The following LOC128462377 variants were observed in gnomAD, a reference collection of about 807,000 sequenced individuals.
At chr16:89,391,572 G>A in the LOC128462377 span, among the ~76,000 whole-genome samples, 1 of 152,124 alleles carries the variant, frequency 6.6e-6, no homozygotes, top group African/African-American at 2.4e-5. Context: ...AAAAATCTGA[G>A]TTTTCCCCCT....
chr16:89,371,265 G>A, the LOC128462377 span, among the ~76,000 whole-genome samples: 48 of 152,298 alleles, frequency 3.2e-4, no homozygotes, highest in African/African-American at 1.1e-3. Flanking sequence ...CAGAGAGGCA[G>A]GTTCAGCATG....
the LOC128462377 span, among the ~76,000 whole-genome samples, chr16:89,379,342 G>A: frequency 8.5e-5 from 13 of 152,152 alleles, no homozygotes; most frequent in African/African-American, 3.1e-4. Flanking sequence ...ATTTTAAATG[G>A]CTCAAATCAA....
the LOC128462377 span, among the ~76,000 whole-genome samples, chr16:89,398,856 G>A: frequency 6.6e-6 from 1 of 152,164 alleles, no homozygotes; most frequent in Non-Finnish European, 1.5e-5. Context: ...TTCTGGCCCA[G>A]GAGTACAGAT....
At chr16:89,353,544 C>A in the LOC128462377 span, among the ~76,000 whole-genome samples, 1 of 151,912 alleles carries the variant, frequency 6.6e-6, no homozygotes, top group Non-Finnish European at 1.5e-5. Context: ...GTGGTGCAAT[C>A]TCGGCTCACT....
chr16:89,391,982 G>C, the LOC128462377 span, among the ~76,000 whole-genome samples: 8 of 152,188 alleles, frequency 5.3e-5, no homozygotes, highest in African/African-American at 1.9e-4. Context: ...CTTAGTTGAA[G>C]GTGTTTTTAC....
At chr16:89,375,244 C>T in the LOC128462377 span, among the ~76,000 whole-genome samples, 1 of 152,072 alleles carries the variant, frequency 6.6e-6, no homozygotes, top group African/African-American at 2.4e-5. Flanking sequence ...TAATCGTCTC[C>T]GCGTGAGCAG....
At chr16:89,342,416 A>G in the LOC128462377 span, among the ~76,000 whole-genome samples, 3 of 152,260 alleles carry the variant, frequency 2.0e-5, no homozygotes, top group Non-Finnish European at 4.4e-5. Flanking sequence ...TCGGTCCAGG[A>G]TAAACCAGCA....
At chr16:89,344,611 G>A in the LOC128462377 span, among the ~76,000 whole-genome samples, 1 of 152,256 alleles carries the variant, frequency 6.6e-6, no homozygotes, top group Non-Finnish European at 1.5e-5. Flanking sequence ...GCGTCCGGGA[G>A]GACACTCCAG....
the LOC128462377 span, among the ~76,000 whole-genome samples, chr16:89,327,464 G>A: frequency 1.3e-5 from 2 of 152,110 alleles, no homozygotes; most frequent in African/African-American, 2.4e-5. Flanking sequence ...TGTCCATGTC[G>A]AAAATCACAA....
chr16:89,366,700 C>G, the LOC128462377 span, among the ~76,000 whole-genome samples: 1 of 152,216 alleles, frequency 6.6e-6, no homozygotes, highest in African/African-American at 2.4e-5. Flanking sequence ...AGGTGCGGCA[C>G]AGTCAACTGG....
At chr16:89,324,465 T>A in the LOC128462377 span, 1 of 457,492 alleles carries the variant, frequency 2.2e-6, no homozygotes, top group Non-Finnish European at 4.4e-6. Context: ...AGTTTCAACT[T>A]GACTGGACTA....
chr16:89,352,443 A>G, the LOC128462377 span, among the ~76,000 whole-genome samples: 1 of 151,650 alleles, frequency 6.6e-6, no homozygotes, highest in South Asian at 2.1e-4. Flanking sequence ...GCAGGAGGGC[A>G]CTTGCTGATG....
the LOC128462377 span, among the ~76,000 whole-genome samples, chr16:89,378,054 C>T: frequency 4.6e-5 from 7 of 152,172 alleles, no homozygotes; most frequent in East Asian, 7.7e-4. Flanking sequence ...ACAATACATA[C>T]GACATATAAA....
chr16:89,340,092 AAAC>A, the LOC128462377 span: 1 of 152,236 alleles, frequency 6.6e-6, no homozygotes, highest in Non-Finnish European at 1.5e-5. Context: ...TTGCGAATAC[AAAC>A]AACACTAAAA....
At chr16:89,326,914 A>G in the LOC128462377 span, among the ~76,000 whole-genome samples, 10 of 152,328 alleles carry the variant, frequency 6.6e-5, no homozygotes, top group South Asian at 2.1e-3. Flanking sequence ...AGGACTAAGG[A>G]GGTTCCACAG....
chr16:89,394,702 C>T, the LOC128462377 span, among the ~76,000 whole-genome samples: 21 of 151,776 alleles, frequency 1.4e-4, no homozygotes, highest in African/African-American at 4.6e-4. Context: ...ATAAAACCTG[C>T]GAAGACTGCT....
the LOC128462377 span, among the ~76,000 whole-genome samples, chr16:89,397,097 TACAG>T: frequency 6.6e-6 from 1 of 152,206 alleles, no homozygotes; most frequent in African/African-American, 2.4e-5. Flanking sequence ...GGAATTGGTA[TACAG>T]ACATTTTCCA....
the LOC128462377 span, among the ~76,000 whole-genome samples, chr16:89,341,053 T>A: frequency 1.3e-5 from 2 of 152,182 alleles, no homozygotes; most frequent in African/African-American, 4.8e-5. Flanking sequence ...TCAGAATCCT[T>A]TAACATATGC....
chr16:89,409,347 A>T, the LOC128462377 span, among the ~76,000 whole-genome samples: 8 of 152,156 alleles, frequency 5.3e-5, 1 homozygote, highest in Admixed American at 4.6e-4. Context: ...TCTGTTCAAG[A>T]TCCACCTATC....
Sources: gnomAD v4.1 joint callset for allele counts (sites outside exome capture counted in the v4.1 genomes callset) on GRCh38, gnomAD v4.1.1 for gene constraint, MANE v1.5 for transcripts.